PDZD2: variants seen among roughly 807,000 people sequenced by gnomAD.
PDZD2 encodes the protein PDZ domain containing 2, also known as PDZ domain-containing protein 2.
PDZD2 carries 90 observed loss-of-function variants against 220.7 expected under a neutral mutation model. The observed-to-expected ratio is 0.41, with a 90% CI of 0.34 to 0.49. PDZD2 has a LOEUF of 0.49. Among genes scored for constraint, PDZD2 ranks in the 20% least tolerant of loss-of-function variants. PDZD2 has a pLI of 0.28. For synonymous variants in PDZD2, 1,375 were observed against 1,450.5 expected (o/e 0.95, Z 1.18); for missense variants, 3,174 against 3,608.5 (o/e 0.88, Z 3.08).
At chr5:31,774,125 C>G (rs772732228) in intron 1 of PDZD2, among the ~76,000 whole-genome samples, 3 of 152,056 alleles carry the variant, frequency 2.0e-5, no homozygotes, top group Non-Finnish European at 4.4e-5. Context: ...CAGCCCTAAG[C>G]CTGGTGTGGG....
chr5:31,983,347 C>T lies in PDZD2; in HGVS notation c.669C>T (p.Ser223=), dbSNP rs960806953. The change falls in exon 3 of 25, where the codon TCC becomes TCT. Residue 223 remains serine (S), a synonymous_variant. Coordinates refer to ENST00000438447, the MANE Select transcript of PDZD2 (RefSeq NM_178140.4). ...GKRTRKFGVI[S]RPPANKAPEE... is the part of the protein sequence containing the mutation. ...GAACCAGAAAGTTTGGGGTCATCTC[C>T]AGGCCTCCTGCCAACAAGGCCCCTG... 4 of 1,614,100 alleles carry T rather than the reference C, an allele frequency of 2.5e-6. No individual in the cohort carries two copies. The highest frequency in any genetic ancestry group is 1.3e-5 in the African/African-American group (1 of 74,928).
chr5:31,833,532 C>T (rs1756749939), intron 2 of PDZD2, among the ~76,000 whole-genome samples: 1 of 151,322 alleles, frequency 6.6e-6, no homozygotes, highest in Non-Finnish European at 1.5e-5. Context: ...AATCCGCCCA[C>T]CTTGGCCTCC....
chr5:32,063,782 T>C (rs1343693256), intron 14 of PDZD2, among the ~76,000 whole-genome samples: 3 of 152,206 alleles, frequency 2.0e-5, no homozygotes, highest in South Asian at 2.1e-4. Flanking sequence ...ACTACACAAA[T>C]GTGGGAATAG....
chr5:31,718,045 C>T (rs922350251), intron 1 of PDZD2, among the ~76,000 whole-genome samples: 11 of 152,166 alleles, frequency 7.2e-5, no homozygotes, highest in African/African-American at 2.7e-4. Context: ...CCTGTCAGCT[C>T]CTCCCTATAA....
intron 2 of PDZD2, among the ~76,000 whole-genome samples, chr5:31,917,159 C>A (rs111344955): frequency 0.01 from 1,565 of 152,288 alleles, 22 homozygotes; most frequent in African/African-American, 0.036. Context: ...ATCCAGAAAA[C>A]CCTTGGGAGC....
At chr5:31,886,717 A>G (rs1293463396) in intron 2 of PDZD2, among the ~76,000 whole-genome samples, 1 of 137,902 alleles carries the variant, frequency 7.3e-6, no homozygotes, top group African/African-American at 2.6e-5. Flanking sequence ...TTTTTTTTTG[A>G]GACGGAGTCT....
At chr5:32,073,793 C>T in intron 17 of PDZD2, 39 bp from the exon 18 acceptor site, 1 of 1,390,858 alleles carries the variant, frequency 7.2e-7, no homozygotes, top group South Asian at 1.3e-5. Context: ...AAGTGGGAAG[C>T]TCAATTTCAC....
At chr5:31,883,982 G>C (rs1359590584) in intron 2 of PDZD2, among the ~76,000 whole-genome samples, 2 of 152,194 alleles carry the variant, frequency 1.3e-5, no homozygotes, top group African/African-American at 4.8e-5. Context: ...GGAGGCCGAA[G>C]AGGACAGATC....
chr5:31,926,251 A>C (rs1744748929), intron 2 of PDZD2, among the ~76,000 whole-genome samples: 1 of 151,318 alleles, frequency 6.6e-6, no homozygotes, highest in Non-Finnish European at 1.5e-5. Context: ...AAGCCAGGCC[A>C]GGCATGATGG....
chr5:31,794,257 C>T (rs1475194050), intron 1 of PDZD2, among the ~76,000 whole-genome samples: 3 of 152,272 alleles, frequency 2.0e-5, no homozygotes, highest in African/African-American at 4.8e-5. Context: ...TAATAATTCA[C>T]CATCTTCAGA....
At chr5:31,685,606 C>T (rs548634316) in intron 1 of PDZD2, among the ~76,000 whole-genome samples, 12 of 152,300 alleles carry the variant, frequency 7.9e-5, no homozygotes, top group African/African-American at 2.9e-4. Context: ...TCACTGCAAC[C>T]TCTGCCTCCT....
intron 5 of PDZD2, among the ~76,000 whole-genome samples, chr5:32,002,668 AC>A (rs1752255939): frequency 8.6e-6 from 1 of 115,888 alleles, no homozygotes; most frequent in Non-Finnish European, 1.8e-5. Flanking sequence ...ACACACACAC[AC>A]CACACACACA....
intron 19 of PDZD2, chr5:32,078,059 A>G (rs1041986273): frequency 1.1e-5 from 2 of 184,458 alleles, no homozygotes; most frequent in African/African-American, 4.8e-5. Flanking sequence ...CACCTTTACT[A>G]TATCATTGTG....
chr5:31,851,068 C>CT (rs1281498616), intron 2 of PDZD2, among the ~76,000 whole-genome samples: 2 of 152,066 alleles, frequency 1.3e-5, no homozygotes, highest in Non-Finnish European at 2.9e-5. Flanking sequence ...CCTTTAGGCA[C>CT]TTTTTTTTCA....
At chr5:31,711,458 A>T (rs1748098739) in intron 1 of PDZD2, among the ~76,000 whole-genome samples, 1 of 152,214 alleles carries the variant, frequency 6.6e-6, no homozygotes, top group Non-Finnish European at 1.5e-5. Context: ...TCTATGCTTG[A>T]CTGCACATGT....
intron 1 of PDZD2, among the ~76,000 whole-genome samples, chr5:31,757,933 G>T (rs1303064465): frequency 1.1e-4 from 16 of 152,202 alleles, no homozygotes; most frequent in Admixed American, 1.0e-3. Flanking sequence ...AAGTGCTCTG[G>T]CTTCTGAGGG....
chr5:31,784,193 C>T (rs1753241656), intron 1 of PDZD2, among the ~76,000 whole-genome samples: 1 of 152,196 alleles, frequency 6.6e-6, no homozygotes. Flanking sequence ...ATTCTGAGCG[C>T]ATCAAAACTG....
chr5:32,075,492 A>G (rs10071707), intron 18 of PDZD2, among the ~76,000 whole-genome samples: 11,152 of 152,228 alleles, frequency 0.073, 631 homozygotes, highest in African/African-American at 0.15. Context: ...AGCCACTCAT[A>G]ACCTTGCTGT....
chr5:31,936,118 G>T, intron 2 of PDZD2: 2 of 987,666 alleles, frequency 2.0e-6, no homozygotes, highest in Non-Finnish European at 2.4e-6. Context: ...AGGTGAAGCC[G>T]GGAGGAGAGA....
Sources: allele counts gnomAD v4.1 joint callset (sites outside exome capture counted in the v4.1 genomes callset), GRCh38; gene constraint gnomAD v4.1.1; transcripts MANE v1.5; gene names NCBI Gene and HGNC (gene_info 2026-07-23, HGNC 2026-07-21).